GPHN: variants seen among roughly 807,000 people sequenced by gnomAD.
GPHN encodes the protein gephyrin.
Under a neutral mutation model 95.5 loss-of-function variants are expected in GPHN, and 17 were observed. The ratio of observed to expected loss-of-function variants is 0.18; its 90% CI spans 0.12 to 0.27. GPHN has a LOEUF of 0.27. GPHN is among the 10% of genes least tolerant of loss of function. GPHN has a pLI of 1.00. For missense variants in GPHN, 660 were observed against 978.1 expected (o/e 0.67, Z 4.34); for synonymous variants, 320 against 322.5 (o/e 0.99, Z 0.08).
At chr14:67,589,375 T>C in the GPHN span, 2,894 of 984,662 alleles carry the variant, frequency 2.9e-3, 53 homozygotes, top group African/African-American at 0.045. Flanking sequence ...CAAAGTCCAA[T>C]TTCTGTCTGG....
At chr14:67,094,134 C>T (rs890791826) in intron 12 of GPHN, among the ~76,000 whole-genome samples, 1 of 152,062 alleles carries the variant, frequency 6.6e-6, no homozygotes, top group African/African-American at 2.4e-5. Context: ...AGAAAGATCA[C>T]TATGGCTGGA....
the GPHN span, chr14:67,647,062 A>G: frequency 1.4e-5 from 18 of 1,286,784 alleles, no homozygotes; most frequent in South Asian, 2.4e-5. Flanking sequence ...CAAACCCCCA[A>G]TGGGCAACAC....
chr14:67,669,898 G>A, the GPHN span, among the ~76,000 whole-genome samples: 7 of 152,156 alleles, frequency 4.6e-5, no homozygotes, highest in South Asian at 2.1e-4. Flanking sequence ...CCAGGAATTC[G>A]AGAACAGCCT....
At chr14:67,352,994 G>C in the GPHN span, 1 of 1,613,816 alleles carries the variant, frequency 6.2e-7, no homozygotes, top group African/African-American at 1.3e-5. Flanking sequence ...AGGAGGTTTC[G>C]ACCTGTCTGT....
intron 1 of GPHN, among the ~76,000 whole-genome samples, chr14:66,674,567 T>A (rs552097358): frequency 6.6e-6 from 1 of 152,350 alleles, no homozygotes; most frequent in Admixed American, 6.5e-5. Context: ...ATGCAGTATT[T>A]ATCTCTCTGA....
the GPHN span, among the ~76,000 whole-genome samples, chr14:67,414,526 A>T: frequency 2.0e-5 from 3 of 152,338 alleles, no homozygotes; most frequent in Non-Finnish European, 4.4e-5. Flanking sequence ...TCTCCCTCTC[A>T]GGCCTGGAGG....
At chr14:67,659,008 T>C in the GPHN span, among the ~76,000 whole-genome samples, 1 of 152,242 alleles carries the variant, frequency 6.6e-6, no homozygotes, top group African/African-American at 2.4e-5. Context: ...CTACTTTGTG[T>C]TGTGTTTGTG....
chr14:67,130,054 A>G (rs746500930), intron 17 of GPHN, among the ~76,000 whole-genome samples: 3 of 152,048 alleles, frequency 2.0e-5, no homozygotes, highest in South Asian at 4.1e-4. Flanking sequence ...TTGATTGCAC[A>G]GTGCCTTTCT....
At chr14:67,698,850 T>C in the GPHN span, among the ~76,000 whole-genome samples, 3 of 152,356 alleles carry the variant, frequency 2.0e-5, no homozygotes, top group East Asian at 5.8e-4. Context: ...CAAATGTTAC[T>C]GTGTTCCAAT....
chr14:66,920,617 A>G (rs1273313478), intron 6 of GPHN, among the ~76,000 whole-genome samples: 1 of 144,216 alleles, frequency 6.9e-6, no homozygotes, highest in African/African-American at 2.6e-5. Context: ...TCCATAAGTT[A>G]TTGGGGTACA....
At chr14:67,726,163 T>A in the GPHN span, 4 of 1,552,618 alleles carry the variant, frequency 2.6e-6, no homozygotes, top group African/African-American at 2.7e-5. Context: ...TGGGTAAGTA[T>A]CTTTGGGTGA....
At chr14:66,544,958 A>C (rs1179503049) in intron 1 of GPHN, among the ~76,000 whole-genome samples, 2 of 152,194 alleles carry the variant, frequency 1.3e-5, no homozygotes. Flanking sequence ...CTTAGTACAG[A>C]ACAAAATGAA....
chr14:67,672,611 T>A, the GPHN span, among the ~76,000 whole-genome samples: 3 of 151,606 alleles, frequency 2.0e-5, no homozygotes, highest in Non-Finnish European at 2.9e-5. Context: ...CCCGGCTAAT[T>A]TTTGTATTTT....
At chr14:67,381,800 G>GT in the GPHN span, 4 of 719,864 alleles carry the variant, frequency 5.6e-6, no homozygotes, top group East Asian at 2.6e-5. Context: ...ACAAAAGTGG[G>GT]TTTTTTACTC....
At chr14:67,397,730 G>A in the GPHN span, 1 of 1,613,650 alleles carries the variant, frequency 6.2e-7, no homozygotes, top group South Asian at 1.1e-5. Flanking sequence ...CGGCCCTTGG[G>A]AGGGGTCACT....
chr14:66,622,308 C>G (rs556986583), intron 1 of GPHN, among the ~76,000 whole-genome samples: 1 of 152,270 alleles, frequency 6.6e-6, no homozygotes, highest in South Asian at 2.1e-4. Context: ...ACTGCACACA[C>G]CATGGGGACC....
At chr14:67,015,014 A>G (rs1594820604) in intron 9 of GPHN, among the ~76,000 whole-genome samples, 2 of 152,224 alleles carry the variant, frequency 1.3e-5, no homozygotes, top group Non-Finnish European at 2.9e-5. Context: ...TTAAATTCAT[A>G]TTTCCTTGAG....
At chr14:67,124,814 C>CTT (rs34063556) in intron 17 of GPHN, among the ~76,000 whole-genome samples, 19 of 149,936 alleles carry the variant, frequency 1.3e-4, no homozygotes, top group African/African-American at 2.4e-4. Context: ...TACTGTTATA[C>CTT]TTTTTTTTTT....
At chr14:67,338,246 G>T in the GPHN span, 275 of 159,784 alleles carry the variant, frequency 1.7e-3, no homozygotes, top group Non-Finnish European at 2.7e-3. Flanking sequence ...CAGCGCCAAG[G>T]TTTGCAAGTG....
Sources: gnomAD v4.1 joint callset for allele counts (sites outside exome capture counted in the v4.1 genomes callset) on GRCh38, gnomAD v4.1.1 for gene constraint, MANE v1.5 for transcripts, NCBI Gene and HGNC (gene_info 2026-07-23, HGNC 2026-07-21) for gene names.